HTR4: variants seen among roughly 807,000 people sequenced by gnomAD.
The protein encoded by HTR4 is 5-hydroxytryptamine (serotonin) receptor 4, G protein-coupled.
In HTR4, 16 loss-of-function variants were observed where a neutral mutation model predicts 36.8. The ratio of observed to expected loss-of-function variants is 0.43; its 90% CI spans 0.29 to 0.66. The LOEUF (loss-of-function observed/expected upper bound fraction) is 0.66, where lower values mean the gene tolerates loss of function less well. Among genes scored for constraint, HTR4 ranks in the 30% least tolerant of loss-of-function variants. The probability of loss-of-function intolerance (pLI) is 0.13; values close to 1 mark genes in which losing one functional copy is unlikely to be tolerated. For synonymous variants in HTR4, 189 were observed against 185.1 expected (o/e 1.02, Z -0.17); for missense variants, 438 against 490.9 (o/e 0.89, Z 1.02).
chr5:148,612,039 T>G (rs1397898106), intron 2 of HTR4, among the ~76,000 whole-genome samples: 1 of 151,938 alleles, frequency 6.6e-6, no homozygotes, highest in African/African-American at 2.4e-5. Context: ...AAGTCCTGAG[T>G]GACCTACAAA....
chr5:148,566,837 T>C (rs1417064516), intron 2 of HTR4, among the ~76,000 whole-genome samples: 3 of 152,072 alleles, frequency 2.0e-5, no homozygotes, highest in African/African-American at 7.2e-5. Context: ...ATTATCTATA[T>C]CCAAAATGGT....
chr5:148,599,648 T>C (rs990220564), intron 2 of HTR4, among the ~76,000 whole-genome samples: 1 of 151,576 alleles, frequency 6.6e-6, no homozygotes, highest in South Asian at 2.1e-4. Flanking sequence ...CGAAGAAAAA[T>C]GATCCCAGAG....
At position 148,502,151 on chromosome 5, in the gene HTR4, G is replaced by A. The variant is rs551765167; in HGVS notation, c.1076+7305C>T. Among the ~76,000 whole-genome samples the A allele has an allele frequency of 3.3e-5, 5 of 152,276 alleles. No homozygotes were observed. The South Asian group carries it at 6.2e-4, about 19-fold the overall frequency. ...GTCTGACAACTTTGAAGAGAGTAGT[G>A]GTTCTCCTAGCACAGAGTTTGAGAT... is the stretch of plus-strand genomic sequence containing the variant. On this transcript the variant is annotated intron_variant, in intron 6 of 6. Transcript: ENST00000377888.
chr5:148,603,700 C>T (rs988538136), intron 2 of HTR4, among the ~76,000 whole-genome samples: 3 of 151,266 alleles, frequency 2.0e-5, no homozygotes, highest in African/African-American at 4.9e-5. Context: ...GGTTAATTTC[C>T]AAATTAATTT....
At chr5:148,563,255 C>T (rs1368886601) in intron 2 of HTR4, among the ~76,000 whole-genome samples, 1 of 152,174 alleles carries the variant, frequency 6.6e-6, no homozygotes, top group African/African-American at 2.4e-5. Context: ...CTCCACCATC[C>T]ACCTCTCACC....
intron 6 of HTR4, among the ~76,000 whole-genome samples, chr5:148,498,458 A>G (rs147425376): frequency 3.6e-4 from 55 of 152,288 alleles, no homozygotes; most frequent in East Asian, 1.2e-3. Flanking sequence ...AGAATCAGGA[A>G]CACCTTTCAT....
At position 148,509,514 on chromosome 5, in the gene HTR4, G is replaced by A; in HGVS notation, c.1018C>T (p.Leu340=). 1 of 1,613,990 alleles carries A rather than the reference G, an allele frequency of 6.2e-7. No homozygotes were observed. The highest frequency in any genetic ancestry group is 8.5e-7 in the Non-Finnish European group (1 of 1,179,920). The change falls in exon 6 of 7, where the codon CTG becomes TTG. Residue 340 remains leucine, a synonymous_variant. Coordinates refer to ENST00000377888, the MANE Select transcript of HTR4 (RefSeq NM_000870.7). ...GTTGAACAAGGGACAGTCTGGCCCA[G>A]AATGGAAGGTCTTCGGTAGCGCTCA... is the stretch of plus-strand genomic sequence containing the variant. ...DDERYRRPSI[L]GQTVPCSTTT...
chr5:148,472,124 A>T (rs1755584114), downstream of HTR4, among the ~76,000 whole-genome samples: 1 of 152,218 alleles, frequency 6.6e-6, no homozygotes, highest in Non-Finnish European at 1.5e-5. Context: ...AGTGACCAGC[A>T]TTCAGAGCAC....
intron 2 of HTR4, among the ~76,000 whole-genome samples, chr5:148,606,279 G>C (rs1752160651): frequency 6.6e-6 from 1 of 152,008 alleles, no homozygotes; most frequent in South Asian, 2.1e-4. Context: ...GGAAGGATTT[G>C]AGGAACTGTA....
At chr5:148,557,440 C>T (rs972780344) in intron 2 of HTR4, among the ~76,000 whole-genome samples, 3 of 151,980 alleles carry the variant, frequency 2.0e-5, no homozygotes, top group Non-Finnish European at 4.4e-5. Context: ...TGTGAGATAC[C>T]TATAGGACAT....
intron 6 of HTR4, among the ~76,000 whole-genome samples, chr5:148,490,204 CAT>C (rs922011441): frequency 2.0e-5 from 3 of 147,014 alleles, no homozygotes; most frequent in Non-Finnish European, 3.0e-5. Flanking sequence ...TATATATATA[CAT>C]ATATATATGT....
chr5:148,459,045 G>T (rs1055613910), intron 5 of HTR4, among the ~76,000 whole-genome samples: 1 of 152,082 alleles, frequency 6.6e-6, no homozygotes. Context: ...CTGTATGTTG[G>T]TATCAGTGGA....
chr5:148,654,289 G>A lies in HTR4; in HGVS notation c.-275C>T, dbSNP rs2127323415. The A allele has an allele frequency of 6.1e-6, 6 of 985,186 alleles. No individual in the cohort carries two copies. In the South Asian group the frequency reaches 2.8e-4, roughly 46 times the overall value. 61.0% of individuals were successfully genotyped at this position (985,186 alleles called of 1,614,324 possible). On this transcript the variant is annotated 5_prime_UTR_variant, in exon 1 of 7. Transcript: ENST00000377888. Reference sequence around the variant, plus strand: ...CAGGACCCCAGCCCCGGATCACCTGGGCTCGCCGCGCATCGTCCTTCTCCC... The same window carrying A: ...CAGGACCCCAGCCCCGGATCACCTGAGCTCGCCGCGCATCGTCCTTCTCCC...
At chr5:148,581,862 A>T (rs892980280) in intron 2 of HTR4, among the ~76,000 whole-genome samples, 14 of 152,210 alleles carry the variant, frequency 9.2e-5, no homozygotes, top group African/African-American at 2.6e-4. Flanking sequence ...TGTTTTATTT[A>T]TAATTATAAA....
chr5:148,483,157 C>T lies in HTR4; in HGVS notation c.*46G>A. On this transcript the variant is annotated 3_prime_UTR_variant, in exon 7 of 7. Transcript: ENST00000377888. ...CACAAGCAGCAGCTTAGGACCTGGC[C>T]CTCTTTCGGAGGCATGGCTGTCTTC... 4 of 1,613,452 alleles carry T rather than the reference C, an allele frequency of 2.5e-6. No individual in the cohort carries two copies. Among genetic ancestry groups the T allele is most frequent in the Non-Finnish European group, 3.4e-6 (4 of 1,179,638 alleles).
chr5:148,465,977 T>C, intron 5 of HTR4: 1 of 1,583,314 alleles, frequency 6.3e-7, no homozygotes, highest in South Asian at 1.2e-5. Context: ...CAAGCAGAAT[T>C]TGGGAAAGAA....
At chr5:148,469,440 C>T (rs1236989504) in intron 5 of HTR4, among the ~76,000 whole-genome samples, 1 of 152,214 alleles carries the variant, frequency 6.6e-6, no homozygotes, top group Non-Finnish European at 1.5e-5. Flanking sequence ...CGGTTCTGAT[C>T]TGACTACACA....
chr5:148,638,941 G>T (rs1753638775), intron 1 of HTR4, among the ~76,000 whole-genome samples: 1 of 152,118 alleles, frequency 6.6e-6, no homozygotes, highest in African/African-American at 2.4e-5. Context: ...CAGCTACCTG[G>T]GGGGCTGAGG....
intron 1 of HTR4, among the ~76,000 whole-genome samples, chr5:148,653,397 A>G (rs1460828215): frequency 6.6e-6 from 1 of 152,126 alleles, no homozygotes; most frequent in Non-Finnish European, 1.5e-5. Context: ...AAGACAACTA[A>G]CAGCACAGTG....
Sources: allele counts gnomAD v4.1 joint callset (sites outside exome capture counted in the v4.1 genomes callset), GRCh38; gene constraint gnomAD v4.1.1; transcripts MANE v1.5; gene names NCBI Gene and HGNC (gene_info 2026-07-23, HGNC 2026-07-21).